ERCC6: variants seen among roughly 807,000 people sequenced by gnomAD.
ERCC6 encodes the protein DNA excision repair protein ERCC-6.
In ERCC6, 116 loss-of-function variants were observed where a neutral mutation model predicts 158.7. The ratio of observed to expected loss-of-function variants is 0.73; its 90% CI spans 0.63 to 0.85. The LOEUF (loss-of-function observed/expected upper bound fraction) is 0.85, where lower values mean the gene tolerates loss of function less well. ERCC6 is among the 40% of genes least tolerant of loss of function. The probability of loss-of-function intolerance (pLI) is 0.00; values close to 1 mark genes in which losing one functional copy is unlikely to be tolerated. For missense variants in ERCC6, 1,698 were observed against 1,799.4 expected (o/e 0.94, Z 1.02); for synonymous variants, 678 against 659.3 (o/e 1.03, Z -0.43).
At chr10:49,514,302 T>C (rs1836887428) in intron 5 of ERCC6, among the ~76,000 whole-genome samples, 1 of 152,204 alleles carries the variant, frequency 6.6e-6, no homozygotes, top group South Asian at 2.1e-4. Context: ...AGCAGTTCTT[T>C]GAACTATACA....
rs181838986 is a variant in ERCC6 at position 49,474,230 on chromosome 10, G to A, written c.2395C>T (p.Leu799Phe). 3.5e-5 allele frequency: 57 copies of A among 1,613,876 alleles called. 1 individual carries two copies. The Admixed American group carries it at 8.8e-4, about 25-fold the overall frequency. Residue 799 changes from leucine (L) to phenylalanine (F), a missense_variant, in exon 13 of 21, where the codon CTT becomes TTT. Leu to Phe is a conservative substitution (Grantham distance 22). Coordinates refer to ENST00000355832, the MANE Select transcript of ERCC6 (RefSeq NM_000124.4). ...LNGEMQIFSG[L>F]IALRKICNHP... ...TTGCAAATTTTTCTTAGGGCTATAA[G>A]TCCGGAGAAAATCTGTGGTAAGAAA...
chr10:49,500,505 C>T (rs766983463), intron 7 of ERCC6, 33 bp downstream of exon 7: 1 of 1,610,756 alleles, frequency 6.2e-7, no homozygotes, highest in East Asian at 2.2e-5. Flanking sequence ...TAATTGAGCT[C>T]CACAGACTGA....
rs774293345 is a variant in ERCC6 at position 49,470,999 on chromosome 10, T to C, written c.3046A>G (p.Thr1016Ala). ...TLTSPDASQS[T>A]ETSAIFAGTG... ...CCTGCAAAAATTGCACTTGTTTCAGTGCTCTGGGATGCATCAGGACTAGTC... is the reference window on the plus strand; with the variant it reads ...CCTGCAAAAATTGCACTTGTTTCAGCGCTCTGGGATGCATCAGGACTAGTC... The change falls in exon 17 of 21, where the codon ACT becomes GCT. Residue 1016 changes from threonine to alanine, a missense_variant. Thr to Ala is a moderately conservative substitution (Grantham distance 58, BLOSUM62 0). Transcript: ENST00000355832. 4.3e-6 allele frequency: 7 copies of C among 1,613,996 alleles called. No homozygotes were observed. Among genetic ancestry groups the C allele is most frequent in the Non-Finnish European group, 4.2e-6 (5 of 1,180,040 alleles).
intron 5 of ERCC6, among the ~76,000 whole-genome samples, chr10:49,522,983 C>T (rs11101147): frequency 0.85 from 128,876 of 152,150 alleles, 55,055 homozygotes; most frequent in East Asian, 1. Flanking sequence ...ACATCTATTT[C>T]GGAAAGGTTA....
At chr10:49,528,888 T>A (rs930621090) in intron 3 of ERCC6, among the ~76,000 whole-genome samples, 2 of 152,180 alleles carry the variant, frequency 1.3e-5, no homozygotes, top group Non-Finnish European at 2.9e-5. Context: ...TAAACTACTC[T>A]GTATTTCTGA....
Position 49,492,585 on chromosome 10 carries a change from C to T in ERCC6, c.1821+532G>A, listed in dbSNP as rs4253136. Among the ~76,000 whole-genome samples, 815 of 152,250 alleles carry T rather than the reference C, an allele frequency of 5.4e-3. 6 individuals carry two copies. Among genetic ancestry groups the T allele is most frequent in the African/African-American group, 0.017 (713 of 41,530 alleles). On this transcript the variant is annotated intron_variant, in intron 8 of 20. Transcript: ENST00000355832. The stretch of plus-strand genomic sequence containing the variant: ...GCTCTTTTTTGATACTGTGATATTA[C>T]CAAACTCTAAGTGAAGAAATACAAC...
At chr10:49,507,505 C>A (rs1851463969) in intron 5 of ERCC6, among the ~76,000 whole-genome samples, 1 of 152,044 alleles carries the variant, frequency 6.6e-6, no homozygotes, top group Non-Finnish European at 1.5e-5. Context: ...TCTTCTTCTC[C>A]ACTGGTATTT....
downstream of ERCC6, among the ~76,000 whole-genome samples, chr10:49,454,392 T>C (rs976630500): frequency 5.9e-5 from 9 of 152,202 alleles, no homozygotes; most frequent in African/African-American, 1.9e-4. Context: ...TCTGTTTTCT[T>C]GGCTGCACCC....
intron 1 of ERCC6, among the ~76,000 whole-genome samples, chr10:49,535,131 C>T (rs1020670816): frequency 3.9e-5 from 6 of 152,154 alleles, no homozygotes; most frequent in Non-Finnish European, 7.4e-5. Flanking sequence ...AGGTTCAGAG[C>T]TAAGTCTAAA....
chr10:49,468,727 C>T (rs1429652844), intron 18 of ERCC6, among the ~76,000 whole-genome samples: 2 of 152,252 alleles, frequency 1.3e-5, no homozygotes, highest in Admixed American at 1.3e-4. Context: ...CAGCAATGAA[C>T]ACTCTGAGAA....
rs563310732 is a variant in ERCC6, at chr10:49,490,831, T to C, written c.1821+2286A>G. ...AGTATTGAATGTCCCAATGTCAGAG[T>C]ACCATTATTAAATTCAGACAGAACA... On this transcript the variant is annotated intron_variant, in intron 8 of 20. Coordinates refer to ENST00000355832, the MANE Select transcript of ERCC6 (RefSeq NM_000124.4). Among the ~76,000 whole-genome samples, 6 of 152,328 alleles carry C rather than the reference T, an allele frequency of 3.9e-5. No homozygotes were observed. In the South Asian group the frequency reaches 1.2e-3, roughly 32 times the overall value.
rs147251562 is a variant in ERCC6 at position 49,517,627 on chromosome 10, CT to C, written c.1397+6405del. Among the ~76,000 whole-genome samples, 1,155 of 146,102 alleles carry C rather than the reference CT, an allele frequency of 7.9e-3. 7 individuals carry two copies. Among genetic ancestry groups the C allele is most frequent in the Middle Eastern group, 0.014 (4 of 282 alleles). ...AAAGAAAATGAACACAGTCTTCTTT[CT>C]TTTTTTTTTTTCTCTCAGGCTCCAG... is the stretch of plus-strand genomic sequence containing the variant. On this transcript the variant is annotated intron_variant, in intron 5 of 20. Transcript: ENST00000355832.
chr10:49,445,438 C>G, the ERCC6 span, among the ~76,000 whole-genome samples: 3 of 152,092 alleles, frequency 2.0e-5, no homozygotes, highest in Non-Finnish European at 2.9e-5. Context: ...AATATGAGAA[C>G]CAGTTGCTGA....
intron 6 of ERCC6, 68 bp downstream of exon 6, chr10:49,505,816 T>C: frequency 6.3e-7 from 1 of 1,596,546 alleles, no homozygotes; most frequent in Non-Finnish European, 8.6e-7. Flanking sequence ...ACTATGTAAT[T>C]CCTAAAATGT....
chr10:49,516,504 TG>T, intron 5 of ERCC6: 1 of 1,614,206 alleles, frequency 6.2e-7, no homozygotes, highest in Non-Finnish European at 8.5e-7. Flanking sequence ...ATCTGTTCTT[TG>T]TTCCCAAAAC....
chr10:49,474,873 C>G (rs574807711), intron 12 of ERCC6, among the ~76,000 whole-genome samples: 2 of 152,278 alleles, frequency 1.3e-5, no homozygotes, highest in East Asian at 3.9e-4. Flanking sequence ...AGAACATTAA[C>G]AAAACTTCAA....
chr10:49,511,842 A>G (rs947766324), intron 5 of ERCC6, among the ~76,000 whole-genome samples: 2 of 152,232 alleles, frequency 1.3e-5, no homozygotes, highest in Non-Finnish European at 2.9e-5. Context: ...AACCGAATGT[A>G]GGCAAAAGAG....
rs1467982758 is a variant in ERCC6, at chr10:49,455,783, G to C, written c.*3032C>G. 3 of 152,186 alleles carry C rather than the reference G, an allele frequency of 2.0e-5. No homozygotes were observed. Among genetic ancestry groups the C allele is most frequent in the Non-Finnish European group, 1.5e-5 (1 of 68,028 alleles). 9.4% of individuals were successfully genotyped at this position (152,186 alleles called of 1,614,324 possible). A position where few individuals can be genotyped will look rare whatever the true frequency, so the allele number is the denominator to read the frequency against. ...ATGGCCAATAAACATGGAAATGTTT[G>C]ATTTTGTACGTAATCAGGGAAATTC... On this transcript the variant is annotated 3_prime_UTR_variant, in exon 21 of 21. Coordinates refer to ENST00000355832, the MANE Select transcript of ERCC6 (RefSeq NM_000124.4).
intron 4 of ERCC6, 122 bp downstream of exon 4, chr10:49,528,295 A>G: frequency 8.4e-7 from 1 of 1,188,012 alleles, no homozygotes; most frequent in Non-Finnish European, 1.2e-6. Flanking sequence ...CTGTTTTGAC[A>G]CTAAGGCAAA....
Sources: allele counts gnomAD v4.1 joint callset (sites outside exome capture counted in the v4.1 genomes callset), GRCh38; gene constraint gnomAD v4.1.1; transcripts MANE v1.5; gene names NCBI Gene and HGNC (gene_info 2026-07-23, HGNC 2026-07-21).